Variants in RIN3 observed in about 807,000 individuals in gnomAD.
RIN3 encodes Ras and Rab interactor 3.
RIN3 carries 54 observed loss-of-function variants against 76.3 expected under a neutral mutation model. That is an observed-to-expected ratio of 0.71 (90% confidence interval 0.57 to 0.89). The LOEUF (loss-of-function observed/expected upper bound fraction) is 0.89. Among genes scored for constraint, RIN3 ranks in the 40% least tolerant of loss-of-function variants. The pLI is 0.00. For synonymous variants in RIN3, 576 were observed against 564.0 expected, an observed-to-expected ratio of 1.02 and a Z score of -0.30; for missense variants, 1,256 against 1,322.1, an observed-to-expected ratio of 0.95 and a Z score of 0.78.
chr14:92,658,588 G>T (rs1173054836), intron 6 of RIN3, among the ~76,000 whole-genome samples: 1 of 152,212 alleles, frequency 6.6e-6, no homozygotes. Context: ...GACTATAAGG[G>T]CCAGGGCAAA....
intron 4 of RIN3, among the ~76,000 whole-genome samples, chr14:92,619,124 A>T (rs1886077726): frequency 6.6e-6 from 1 of 152,216 alleles, no homozygotes; most frequent in Non-Finnish European, 1.5e-5. Flanking sequence ...ATTCACAAAA[A>T]TATAACCTAA....
chr14:92,678,692 G>A (rs891104062), intron 8 of RIN3, among the ~76,000 whole-genome samples: 4 of 150,506 alleles, frequency 2.7e-5, no homozygotes, highest in South Asian at 2.1e-4. Flanking sequence ...TCATCCACTC[G>A]CCCATCTACC....
At chr14:92,651,433 G>T in intron 5 of RIN3, 149 bp from the exon 6 acceptor site, 1 of 550,990 alleles carries the variant, frequency 1.8e-6, no homozygotes, top group Non-Finnish European at 3.0e-6. Context: ...AAGCGTCCAA[G>T]AGGGGAAAAC....
At chr14:92,651,490 C>A in intron 5 of RIN3, 92 bp from the exon 6 acceptor site, 2 of 556,154 alleles carry the variant, frequency 3.6e-6, no homozygotes, top group Non-Finnish European at 6.2e-6. Flanking sequence ...ACAGCCCTCC[C>A]ACCCGTGGAC....
chr14:92,615,294 A>G, intron 3 of RIN3, 113 bp from the exon 4 acceptor site: 1 of 837,498 alleles, frequency 1.2e-6, no homozygotes. Context: ...CCAGCATGGG[A>G]CCCAGAATGT....
intron 3 of RIN3, among the ~76,000 whole-genome samples, chr14:92,606,341 C>T (rs1399778349): frequency 6.6e-6 from 1 of 152,020 alleles, no homozygotes; most frequent in Non-Finnish European, 1.5e-5. Context: ...GAGTTCAAGA[C>T]CAGCCTGGGC....
intron 1 of RIN3, among the ~76,000 whole-genome samples, chr14:92,538,680 A>G (rs1024802341): frequency 6.6e-6 from 1 of 152,216 alleles, no homozygotes; most frequent in African/African-American, 2.4e-5. Context: ...CCAGAACAAG[A>G]GTGCAGAGTT....
chr14:92,658,678 T>TA (rs897420743), intron 6 of RIN3, among the ~76,000 whole-genome samples: 26 of 152,244 alleles, frequency 1.7e-4, no homozygotes, highest in Non-Finnish European at 3.7e-4. Flanking sequence ...ACAGAAGTGA[T>TA]AAAAAAGTAA....
chr14:92,649,535 G>A (rs1448739139), intron 5 of RIN3, among the ~76,000 whole-genome samples: 1 of 152,158 alleles, frequency 6.6e-6, no homozygotes, highest in Non-Finnish European at 1.5e-5. Flanking sequence ...CCAGGGGCCT[G>A]TGTAGACATG....
At chr14:92,567,569 A>G (rs1897947169) in intron 2 of RIN3, among the ~76,000 whole-genome samples, 1 of 151,392 alleles carries the variant, frequency 6.6e-6, no homozygotes, top group South Asian at 2.1e-4. Flanking sequence ...GTGACATGGA[A>G]GCTGCATGCC....
At chr14:92,615,341 C>A in intron 3 of RIN3, 66 bp from the exon 4 acceptor site, 1 of 1,400,106 alleles carries the variant, frequency 7.1e-7, no homozygotes, top group African/African-American at 1.4e-5. Flanking sequence ...ATCCTTGCCA[C>A]CTCCTTCCCC....
chr14:92,609,938 T>C (rs745785757), intron 3 of RIN3, among the ~76,000 whole-genome samples: 35 of 152,094 alleles, frequency 2.3e-4, no homozygotes, highest in Non-Finnish European at 4.4e-4. Flanking sequence ...TGTGTTTATT[T>C]AATGTATCAA....
chr14:92,636,947 G>A (rs1009531136), intron 4 of RIN3, among the ~76,000 whole-genome samples: 1 of 152,022 alleles, frequency 6.6e-6, no homozygotes, highest in Admixed American at 6.6e-5. Flanking sequence ...GTGTGTGCTT[G>A]GGCACGCGTA....
intron 4 of RIN3, among the ~76,000 whole-genome samples, chr14:92,618,196 C>T (rs1391403396): frequency 6.6e-6 from 1 of 152,176 alleles, no homozygotes; most frequent in Non-Finnish European, 1.5e-5. Flanking sequence ...AATAAAAGTA[C>T]ACCCCATAAG....
At chr14:92,597,603 C>T (rs1400542675) in intron 3 of RIN3, among the ~76,000 whole-genome samples, 1 of 152,152 alleles carries the variant, frequency 6.6e-6, no homozygotes, top group Non-Finnish European at 1.5e-5. Context: ...ATGGTACCTC[C>T]CAAATAGAGT....
chr14:92,572,415 C>CGAG (rs1442447296), intron 2 of RIN3, among the ~76,000 whole-genome samples: 1 of 152,214 alleles, frequency 6.6e-6, no homozygotes. Flanking sequence ...GAGATGTAAT[C>CGAG]GAGAAGATGC....
intron 1 of RIN3, among the ~76,000 whole-genome samples, chr14:92,525,851 A>C (rs1795883042): frequency 6.6e-6 from 1 of 152,130 alleles, no homozygotes; most frequent in South Asian, 2.1e-4. Context: ...AGTGATAGGC[A>C]GTGCTGTGGC....
intron 9 of RIN3, chr14:92,687,153 T>C (rs1304679310): frequency 2.0e-5 from 3 of 152,274 alleles, no homozygotes; most frequent in African/African-American, 7.2e-5. Flanking sequence ...TTCCAGCGCC[T>C]GCTCGCCCAT....
chr14:92,612,903 C>A (rs527408547), intron 3 of RIN3, among the ~76,000 whole-genome samples: 2 of 152,308 alleles, frequency 1.3e-5, no homozygotes, highest in South Asian at 2.1e-4. Flanking sequence ...AGCAAGGGGA[C>A]TAGATACCAA....
Sources: allele counts gnomAD v4.1 joint callset (sites outside exome capture counted in the v4.1 genomes callset), GRCh38; gene constraint gnomAD v4.1.1; transcripts MANE v1.5; gene names NCBI Gene and HGNC (gene_info 2026-07-23, HGNC 2026-07-21).